Variants in FAM53A observed in about 807,000 individuals in gnomAD.
FAM53A encodes family with sequence similarity 53 member A, also known as protein FAM53A.
In FAM53A, 28 loss-of-function variants were observed where a neutral mutation model predicts 26.6. The ratio of observed to expected loss-of-function variants is 1.05; its 90% CI spans 0.78 to 1.45. FAM53A has a LOEUF of 1.45. Ranked by LOEUF, FAM53A falls within the 40% of genes most tolerant of loss-of-function variation. The probability of loss-of-function intolerance (pLI) is 0.00; values close to 1 mark genes in which losing one functional copy is unlikely to be tolerated. For synonymous variants in FAM53A, 290 were observed against 253.1 expected, an observed-to-expected ratio of 1.15 and a Z score of -1.38; for missense variants, 650 against 575.8, an observed-to-expected ratio of 1.13 and a Z score of -1.32.
intron 4 of FAM53A, among the ~76,000 whole-genome samples, chr4:1,649,206 A>AGGGAAG (rs1560151367): frequency 1.6e-5 from 2 of 124,410 alleles, no homozygotes; most frequent in Non-Finnish European, 3.2e-5. Context: ...GGAAAGGGAA[A>AGGGAAG]GGGAAGGGGA....
At chr4:1,644,408 T>C (rs1271214926) in intron 4 of FAM53A, 3 of 1,514,398 alleles carry the variant, frequency 2.0e-6, no homozygotes, top group Non-Finnish European at 2.6e-6. Flanking sequence ...GAGAAAAAAC[T>C]TCTGCCCACA....
In FAM53A at chr4:1,668,685, G is replaced by C. The variant is rs1485437981; in HGVS notation, c.57C>G (p.Cys19Trp). 2.5e-6 allele frequency: 4 copies of C among 1,614,172 alleles called. No homozygotes were observed. The highest frequency in any genetic ancestry group is 1.7e-6 in the Non-Finnish European group (2 of 1,180,040). The change falls in exon 2 of 5, where the codon TGC becomes TGG. Residue 19 changes from cysteine to tryptophan, a missense_variant. Physicochemically the swap from Cys to Trp is radical, Grantham distance 215. Transcript: ENST00000308132. ...TGCTTACCGGGCCAGCCTCCGCCTT[G>C]CAGGTGAGGTCGTCCAGGCTCTGGC... is the stretch of plus-strand genomic sequence containing the variant. Reference protein sequence around the residue: ...LQSQSLDDLTCKAEAGPLQYS... With the variant: ...LQSQSLDDLTWKAEAGPLQYS...
downstream of FAM53A, among the ~76,000 whole-genome samples, chr4:1,617,762 C>G (rs554880574): frequency 2.4e-4 from 37 of 152,306 alleles, no homozygotes; most frequent in African/African-American, 8.2e-4. Flanking sequence ...CCCTTTCATT[C>G]CTGAACGGTC....
intron 4 of FAM53A, 126 bp downstream of exon 4, chr4:1,654,852 C>T (rs1435421391): frequency 1.5e-6 from 2 of 1,325,350 alleles, no homozygotes; most frequent in Middle Eastern, 2.5e-4. Context: ...TCACTCCTTT[C>T]CTCCCAGCCC....
At chr4:1,681,871 T>C (rs1715463439) in intron 1 of FAM53A, among the ~76,000 whole-genome samples, 1 of 152,106 alleles carries the variant, frequency 6.6e-6, no homozygotes, top group Non-Finnish European at 1.5e-5. Flanking sequence ...GGCTGCACCA[T>C]ATCACCACAT....
the FAM53A span, among the ~76,000 whole-genome samples, chr4:1,594,179 G>A: frequency 1.3e-5 from 2 of 152,206 alleles, no homozygotes; most frequent in Non-Finnish European, 2.9e-5. Context: ...TCCTTCCCTT[G>A]GGAGCCAGCA....
chr4:1,606,397 C>G, the FAM53A span, among the ~76,000 whole-genome samples: 1 of 152,038 alleles, frequency 6.6e-6, no homozygotes, highest in South Asian at 2.1e-4. Flanking sequence ...ACACTCCCCA[C>G]CCCTCCACGG....
intron 2 of FAM53A, among the ~76,000 whole-genome samples, chr4:1,664,747 G>A (rs999902343): frequency 6.6e-6 from 1 of 152,184 alleles, no homozygotes; most frequent in Non-Finnish European, 1.5e-5. Flanking sequence ...GGAGCCTGAA[G>A]CGGGTGGATC....
At chr4:1,661,554 A>G (rs1171765644) in intron 2 of FAM53A, among the ~76,000 whole-genome samples, 1 of 152,140 alleles carries the variant, frequency 6.6e-6, no homozygotes, top group Admixed American at 6.5e-5. Context: ...TCTCTGGGGA[A>G]GCCCCAGCCA....
chr4:1,605,376 G>T, the FAM53A span, among the ~76,000 whole-genome samples: 2 of 152,124 alleles, frequency 1.3e-5, no homozygotes, highest in South Asian at 4.2e-4. The surrounding 1 kb of genome is among the most constrained non-coding windows in gnomAD (Gnocchi z 5.7). Flanking sequence ...GAGAACCCAG[G>T]AGACAGCCGT....
downstream of FAM53A, among the ~76,000 whole-genome samples, chr4:1,617,178 T>C (rs970359907): frequency 2.0e-5 from 3 of 151,796 alleles, no homozygotes; most frequent in Non-Finnish European, 4.4e-5. Flanking sequence ...TCAAGCAAGG[T>C]TGACAACACT....
chr4:1,595,259 A>C, the FAM53A span, among the ~76,000 whole-genome samples: 1 of 152,336 alleles, frequency 6.6e-6, no homozygotes, highest in African/African-American at 2.4e-5. Context: ...GGGTGCAAGA[A>C]GGCGGGCAGC....
At position 1,646,103 on chromosome 4, in the gene FAM53A, C is replaced by G. The variant is rs374209279; in HGVS notation, c.883-4496G>C. Among the ~76,000 whole-genome samples the G allele has an allele frequency of 6.3e-3, 951 of 151,658 alleles. 11 individuals carry two copies. The highest frequency in any genetic ancestry group is 0.022 in the African/African-American group (896 of 41,412). ...GGTCTTGGGCTCCCAGCCTCCAGAA[C>G]TCTTTTTTTTTTTTTGAGACGGAGT... On this transcript the variant is annotated intron_variant, in intron 4 of 4. Transcript: ENST00000308132.
In FAM53A at chr4:1,657,435, C is replaced by T. The variant is rs3860715; in HGVS notation, c.109G>A (p.Gly37Ser). The T allele has an allele frequency of 0.022, 35,518 of 1,613,660 alleles. 3,261 individuals carry two copies. In the African/African-American group the frequency reaches 0.28, roughly 13 times the overall value. The change falls in exon 3 of 5, where the codon GGT becomes AGT. Residue 37 changes from glycine (G) to serine (S), a missense_variant. Coordinates refer to ENST00000308132, the MANE Select transcript of FAM53A (RefSeq NM_001174070.3). The part of the protein sequence containing the change: ...QYSAETLNKS[G>S]RLFPLELNDQ... ...TTGAGCTCCAAAGGGAACAGACGAC[C>T]GCTCTTGTTCAGGGTTTCCGCAGAA...
At chr4:1,665,597 G>T (rs1364612650) in intron 2 of FAM53A, among the ~76,000 whole-genome samples, 1 of 152,168 alleles carries the variant, frequency 6.6e-6, no homozygotes, top group Non-Finnish European at 1.5e-5. Context: ...AAGAAAACAG[G>T]AGTCATTGGG....
chr4:1,615,011 C>T (rs1714755481), downstream of FAM53A, among the ~76,000 whole-genome samples: 1 of 152,250 alleles, frequency 6.6e-6, no homozygotes, highest in African/African-American at 2.4e-5. Context: ...CAAAAAAGGA[C>T]ATTTACAGAT....
intron 2 of FAM53A, among the ~76,000 whole-genome samples, chr4:1,666,023 ACCCCCTGT>A (rs1480345390): frequency 4.3e-4 from 29 of 67,260 alleles, no homozygotes; most frequent in African/African-American, 1.7e-3. Flanking sequence ...CTGCACCTGC[ACCCCCTGT>A]ATCTAAAATA....
the FAM53A span, among the ~76,000 whole-genome samples, chr4:1,598,782 A>G: frequency 6.6e-6 from 1 of 152,254 alleles, no homozygotes; most frequent in Non-Finnish European, 1.5e-5. Flanking sequence ...ATGCGGTTTA[A>G]GAGCCGCAGG....
the FAM53A span, among the ~76,000 whole-genome samples, chr4:1,588,523 G>T: frequency 6.6e-6 from 1 of 152,172 alleles, no homozygotes; most frequent in Non-Finnish European, 1.5e-5. Flanking sequence ...CACCTGCTGT[G>T]TCATGAGGAC....
Sources: gnomAD v4.1 joint callset for allele counts (sites outside exome capture counted in the v4.1 genomes callset) on GRCh38, gnomAD v4.1.1 for gene constraint, Gnocchi (gnomAD v3.1) non-coding constraint, MANE v1.5 for transcripts, NCBI Gene and HGNC (gene_info 2026-07-23, HGNC 2026-07-21) for gene names.